Variants in HIPK2 observed in about 807,000 individuals in gnomAD.
HIPK2 encodes homeodomain interacting protein kinase 2.
HIPK2 carries 27 observed loss-of-function variants against 113.7 expected under a neutral mutation model. The observed-to-expected ratio is 0.24, with a 90% confidence interval of 0.17 to 0.33. The LOEUF (loss-of-function observed/expected upper bound fraction) is 0.33, where lower values mean the gene tolerates loss of function less well. Among genes scored for constraint, HIPK2 ranks in the 10% least tolerant of loss-of-function variants. The pLI is 1.00. For synonymous variants in HIPK2, 631 were observed against 642.2 expected, an observed-to-expected ratio of 0.98 and a Z score of 0.26; for missense variants, 1,257 against 1,588.0, an observed-to-expected ratio of 0.79 and a Z score of 3.54.
At chr7:139,673,097 A>G (rs563053072) in intron 2 of HIPK2, among the ~76,000 whole-genome samples, 2 of 124,014 alleles carry the variant, frequency 1.6e-5, no homozygotes, top group South Asian at 4.7e-4. Context: ...AGCAGTGGTT[A>G]GAACTTTTTT....
At position 139,572,983 on chromosome 7, in the gene HIPK2, C is replaced by A. The variant is rs770345730; in HGVS notation, c.3541G>T (p.Val1181Phe). The A allele has an allele frequency of 6.7e-7, 1 of 1,495,600 alleles. No homozygotes were observed. The highest frequency in any genetic ancestry group is 9.0e-7 in the Non-Finnish European group (1 of 1,108,632). 92.6% of individuals were successfully genotyped at this position (1,495,600 alleles called of 1,614,324 possible). A position where few individuals can be genotyped will look rare whatever the true frequency, so the allele number is the denominator to read the frequency against. ...TYISASPAST[V>F]YTGYPLSPAK... The stretch of plus-strand genomic sequence containing the variant: ...GGGCTCAGTGGGTATCCAGTGTAGA[C>A]GGTGGAGGCTGGCGAGGCGCTGATG... The change falls in exon 15 of 15, where the codon GTC (valine) becomes TTC (phenylalanine). Residue 1181 changes from valine to phenylalanine, a missense_variant. Val to Phe is a conservative substitution (Grantham distance 50, BLOSUM62 -1). Transcript: ENST00000406875.
At chr7:139,609,021 G>A (rs1799724386) in intron 9 of HIPK2, among the ~76,000 whole-genome samples, 1 of 152,188 alleles carries the variant, frequency 6.6e-6, no homozygotes, top group Non-Finnish European at 1.5e-5. Context: ...TCATGGAAGG[G>A]TGGAGTCTAC....
intron 12 of HIPK2, among the ~76,000 whole-genome samples, chr7:139,584,416 G>A (rs1238676445): frequency 6.6e-6 from 1 of 152,202 alleles, no homozygotes; most frequent in Non-Finnish European, 1.5e-5. Flanking sequence ...AACCCCCGTG[G>A]GCCTGCCAGA....
intron 2 of HIPK2, among the ~76,000 whole-genome samples, chr7:139,702,688 C>T (rs978751268): frequency 0.14 from 21,855 of 152,066 alleles, 1,604 homozygotes; most frequent in Non-Finnish European, 0.16. Flanking sequence ...AGGCCATGGG[C>T]GTAAATAATC....
chr7:139,565,526 A>G lies in HIPK2; in HGVS notation c.*7401T>C, dbSNP rs1798064130. On this transcript the variant is annotated 3_prime_UTR_variant, in exon 15 of 15. Transcript: ENST00000406875. ...ATTCTCACCATCTTTCAATCAAAAT[A>G]AAAATGCATCTGTATTTCTGTTAAT... 1 of 152,230 alleles carries G rather than the reference A, an allele frequency of 6.6e-6. No individual in the cohort carries two copies. Among genetic ancestry groups the G allele is most frequent in the African/African-American group, 2.4e-5 (1 of 41,466 alleles). 9.4% of individuals were successfully genotyped at this position (152,230 alleles called of 1,614,324 possible). A position where few individuals can be genotyped will look rare whatever the true frequency, so the allele number is the denominator to read the frequency against.
chr7:139,722,783 G>T (rs1261150641), intron 1 of HIPK2, among the ~76,000 whole-genome samples: 1 of 151,964 alleles, frequency 6.6e-6, no homozygotes, highest in African/African-American at 2.4e-5. Context: ...TGAAAACTGG[G>T]AAGTCATGTG....
At chr7:139,614,663 G>A (rs546499008) in intron 7 of HIPK2, among the ~76,000 whole-genome samples, 170 bp from the exon 8 acceptor site, 1 of 152,310 alleles carries the variant, frequency 6.6e-6, no homozygotes, top group Non-Finnish European at 1.5e-5. Context: ...ACGATTGAAA[G>A]TCGCAGGGAA....
chr7:139,645,540 A>G (rs1234658944), intron 2 of HIPK2, among the ~76,000 whole-genome samples: 1 of 152,188 alleles, frequency 6.6e-6, no homozygotes, highest in Non-Finnish European at 1.5e-5. Context: ...AGCAGGGCCG[A>G]AACCCACTAA....
chr7:139,633,922 G>A (rs1038325772), intron 2 of HIPK2, among the ~76,000 whole-genome samples: 1 of 151,042 alleles, frequency 6.6e-6, no homozygotes, highest in Non-Finnish European at 1.5e-5. Context: ...TCCAGCCTGG[G>A]TGACAGAGTA....
chr7:139,684,903 A>C (rs1220889312), intron 2 of HIPK2, among the ~76,000 whole-genome samples: 2 of 152,198 alleles, frequency 1.3e-5, no homozygotes, highest in African/African-American at 4.8e-5. Context: ...TGGATAGAAG[A>C]TCCAACCAGC....
At position 139,563,075 on chromosome 7, in the gene HIPK2, CG is replaced by C. The variant is rs1039439929; in HGVS notation, c.*9851del. 2 of 126,346 alleles carry C rather than the reference CG, an allele frequency of 1.6e-5. No homozygotes were observed. The highest frequency in any genetic ancestry group is 6.0e-5 in the African/African-American group (2 of 33,196). The allele number at this position is 126,346 out of a possible 1,614,324, so 7.8% of individuals were successfully genotyped here. A position where few individuals can be genotyped will look rare whatever the true frequency, so the allele number is the denominator to read the frequency against. ...AACACAAAAGGGAGGAGAGCAGAAA[CG>C]GGGGACCGACTGACTCAGGGCAGCG... On this transcript the variant is annotated 3_prime_UTR_variant, in exon 15 of 15. Transcript: ENST00000406875.
At chr7:139,671,373 T>G (rs1370903714) in intron 2 of HIPK2, among the ~76,000 whole-genome samples, 1 of 152,222 alleles carries the variant, frequency 6.6e-6, no homozygotes, top group African/African-American at 2.4e-5. Context: ...ACTGACTTAC[T>G]TAAAAAGAAC....
At chr7:139,745,070 C>T (rs1457819551) in intron 1 of HIPK2, among the ~76,000 whole-genome samples, 2 of 152,148 alleles carry the variant, frequency 1.3e-5, no homozygotes, top group African/African-American at 2.4e-5. Context: ...GACAAGCTGG[C>T]GTATTGTTCA....
chr7:139,648,923 G>C (rs189028802), intron 2 of HIPK2, among the ~76,000 whole-genome samples: 1 of 152,124 alleles, frequency 6.6e-6, no homozygotes, highest in East Asian at 1.9e-4. Context: ...GGCATTGGGC[G>C]GGTGGAGGGG....
Position 139,620,391 on chromosome 7 carries a change from T to TCCCACTTA in HIPK2, c.1782+2_1782+9dup. 6.2e-7 allele frequency: 1 copy of TCCCACTTA among 1,613,922 alleles called. No individual in the cohort carries two copies. The highest frequency in any genetic ancestry group is 1.3e-5 in the African/African-American group (1 of 75,062). ...GCCCCGCCTCTCCTTCCCTTCTGTT[T>TCCCACTTA]CCCACTTACCTGGTTGTGGACAGTG... On this transcript the variant is annotated intron_variant, in intron 7 of 14. Coordinates refer to ENST00000406875, the MANE Select transcript of HIPK2 (RefSeq NM_022740.5).
intron 1 of HIPK2, among the ~76,000 whole-genome samples, chr7:139,766,574 C>T (rs1234319676): frequency 6.6e-6 from 1 of 152,186 alleles, no homozygotes; most frequent in Non-Finnish European, 1.5e-5. Context: ...CCAGATCCTT[C>T]TTACCGGAGT....
At chr7:139,773,435 C>T (rs1368928676) in intron 1 of HIPK2, among the ~76,000 whole-genome samples, 1 of 152,146 alleles carries the variant, frequency 6.6e-6, no homozygotes, top group African/African-American at 2.4e-5. Flanking sequence ...TTCTGAAGCC[C>T]GTCTTTGACA....
intron 1 of HIPK2, among the ~76,000 whole-genome samples, chr7:139,724,137 G>C (rs1479285006): frequency 6.6e-6 from 1 of 151,528 alleles, no homozygotes; most frequent in Non-Finnish European, 1.5e-5. Flanking sequence ...AAAAATATAT[G>C]AATGTTGGAA....
At chr7:139,702,668 A>G (rs1794745463) in intron 2 of HIPK2, among the ~76,000 whole-genome samples, 1 of 152,208 alleles carries the variant, frequency 6.6e-6, no homozygotes, top group African/African-American at 2.4e-5. Flanking sequence ...TGTCTCATGC[A>G]TGGGCATGCA....
Sources: allele counts gnomAD v4.1 joint callset (sites outside exome capture counted in the v4.1 genomes callset), GRCh38; gene constraint gnomAD v4.1.1; transcripts MANE v1.5; gene names NCBI Gene and HGNC (gene_info 2026-07-23, HGNC 2026-07-21).